SLC16A7: variants seen among roughly 807,000 people sequenced by gnomAD.
The protein encoded by SLC16A7 is solute carrier family 16 member 7.
In SLC16A7, 33 loss-of-function variants were observed where a neutral mutation model predicts 34.9. The ratio of observed to expected loss-of-function variants is 0.94; its 90% CI spans 0.72 to 1.26. The LOEUF (loss-of-function observed/expected upper bound fraction) is 1.26, where lower values mean the gene tolerates loss of function less well. SLC16A7 is among the 50% of genes most tolerant of loss of function. The pLI is 0.00. For synonymous variants in SLC16A7, 201 were observed against 206.6 expected, an observed-to-expected ratio of 0.97 and a Z score of 0.23; for missense variants, 573 against 578.1, an observed-to-expected ratio of 0.99 and a Z score of 0.09.
intron 1 of SLC16A7, among the ~76,000 whole-genome samples, chr12:59,654,081 A>T (rs939001053): frequency 6.6e-6 from 1 of 151,192 alleles, no homozygotes; most frequent in Admixed American, 6.6e-5. Context: ...AAGTAGCAAT[A>T]TTAATGTTAA....
At chr12:59,623,283 G>A (rs1341265738) in intron 1 of SLC16A7, among the ~76,000 whole-genome samples, 1 of 151,348 alleles carries the variant, frequency 6.6e-6, no homozygotes, top group African/African-American at 2.4e-5. Flanking sequence ...TTGGCCATTT[G>A]ATCTTTCATA....
At chr12:59,642,025 GTATCAAT>G (rs1299524670) in intron 1 of SLC16A7, among the ~76,000 whole-genome samples, 1 of 151,942 alleles carries the variant, frequency 6.6e-6, no homozygotes, top group East Asian at 1.9e-4. Flanking sequence ...TACAAAAAAA[GTATCAAT>G]TTAAAAAATT....
intron 2 of SLC16A7, among the ~76,000 whole-genome samples, chr12:59,676,897 A>G (rs1264879006): frequency 6.6e-6 from 1 of 152,190 alleles, no homozygotes; most frequent in Non-Finnish European, 1.5e-5. Flanking sequence ...TAGAAAGCAT[A>G]TTAACATAAT....
chr12:59,778,501 T>C (rs1308215675), intron 5 of SLC16A7, among the ~76,000 whole-genome samples: 1 of 152,134 alleles, frequency 6.6e-6, no homozygotes, highest in Non-Finnish European at 1.5e-5. Flanking sequence ...TTTATATAGA[T>C]TTGTATACAC....
chr12:59,609,459 C>A (rs544367680), intron 1 of SLC16A7, among the ~76,000 whole-genome samples: 1 of 150,276 alleles, frequency 6.7e-6, no homozygotes, highest in African/African-American at 2.5e-5. Context: ...ACTTAGAGAA[C>A]AACTTCATTC....
chr12:59,690,080 A>G (rs1350892691), intron 2 of SLC16A7, among the ~76,000 whole-genome samples: 5 of 152,020 alleles, frequency 3.3e-5, no homozygotes, highest in Non-Finnish European at 7.4e-5. Flanking sequence ...AGAAAAACAA[A>G]AACAAAACGG....
intron 3 of SLC16A7, among the ~76,000 whole-genome samples, chr12:59,732,139 T>C (rs1389419978): frequency 6.6e-6 from 1 of 152,044 alleles, no homozygotes; most frequent in Admixed American, 6.6e-5. Flanking sequence ...AATTTTTGGC[T>C]GGGCACAGTG....
At chr12:59,695,332 G>A (rs1349810748) in intron 2 of SLC16A7, among the ~76,000 whole-genome samples, 2 of 151,948 alleles carry the variant, frequency 1.3e-5, no homozygotes, top group Non-Finnish European at 2.9e-5. Flanking sequence ...GTGGGATGGA[G>A]CTGCTGTTCT....
chr12:59,636,381 CTGAT>C (rs1445139361), intron 1 of SLC16A7, among the ~76,000 whole-genome samples: 1 of 151,972 alleles, frequency 6.6e-6, no homozygotes, highest in Non-Finnish European at 1.5e-5. Flanking sequence ...TAGGCCTTTT[CTGAT>C]TAAGTTATTC....
intron 3 of SLC16A7, among the ~76,000 whole-genome samples, chr12:59,738,284 T>C (rs1221108443): frequency 6.6e-6 from 1 of 152,168 alleles, no homozygotes; most frequent in East Asian, 1.9e-4. Context: ...CCATAAAATA[T>C]GCAACTATAC....
At chr12:59,771,734 T>C (rs1288099499) in intron 4 of SLC16A7, among the ~76,000 whole-genome samples, 1 of 152,192 alleles carries the variant, frequency 6.6e-6, no homozygotes, top group Non-Finnish European at 1.5e-5. Flanking sequence ...TCATGACTTA[T>C]CTGCATTTGC....
intron 1 of SLC16A7, among the ~76,000 whole-genome samples, chr12:59,608,086 C>T (rs893212792): frequency 3.3e-5 from 5 of 152,174 alleles, no homozygotes; most frequent in Non-Finnish European, 2.9e-5. Flanking sequence ...AATGGTTCTG[C>T]AAATTTTTAT....
chr12:59,670,664 T>C (rs570293438), intron 2 of SLC16A7, among the ~76,000 whole-genome samples: 1 of 152,246 alleles, frequency 6.6e-6, no homozygotes, highest in Admixed American at 6.5e-5. Context: ...ATAGACATAC[T>C]CATTCCAAAA....
At chr12:59,674,459 C>T (rs1870139964) in intron 2 of SLC16A7, among the ~76,000 whole-genome samples, 1 of 152,106 alleles carries the variant, frequency 6.6e-6, no homozygotes, top group South Asian at 2.1e-4. Flanking sequence ...ACAGGTAATC[C>T]ATATCACTAG....
intron 3 of SLC16A7, among the ~76,000 whole-genome samples, chr12:59,746,407 A>G (rs898016200): frequency 2.6e-5 from 4 of 152,228 alleles, no homozygotes; most frequent in African/African-American, 9.6e-5. Flanking sequence ...TGACATGAGC[A>G]CCTGAAAATG....
chr12:59,670,779 C>A (rs1046034536), intron 2 of SLC16A7, among the ~76,000 whole-genome samples: 1 of 152,154 alleles, frequency 6.6e-6, no homozygotes, highest in African/African-American at 2.4e-5. Context: ...CAAGGCTTGG[C>A]AATCATGATC....
At chr12:59,701,344 G>A (rs1034738563) in intron 2 of SLC16A7, among the ~76,000 whole-genome samples, 12 of 150,704 alleles carry the variant, frequency 8.0e-5, no homozygotes, top group Admixed American at 3.3e-4. Context: ...GCCAGTATTC[G>A]TAGCATTTGA....
intron 2 of SLC16A7, among the ~76,000 whole-genome samples, chr12:59,670,899 G>A (rs1869625344): frequency 6.6e-6 from 1 of 152,154 alleles, no homozygotes; most frequent in Non-Finnish European, 1.5e-5. Context: ...AGGTGGGCCT[G>A]CCCTCTAGAC....
intron 2 of SLC16A7, among the ~76,000 whole-genome samples, chr12:59,697,386 C>T (rs1209148499): frequency 6.6e-6 from 1 of 151,976 alleles, no homozygotes; most frequent in Non-Finnish European, 1.5e-5. Context: ...TATGCATGTG[C>T]ACACGCACGT....
Sources: gnomAD v4.1 joint callset for allele counts (sites outside exome capture counted in the v4.1 genomes callset) on GRCh38, gnomAD v4.1.1 for gene constraint, MANE v1.5 for transcripts, NCBI Gene and HGNC (gene_info 2026-07-23, HGNC 2026-07-21) for gene names.